Variants in PTPRC observed in about 807,000 individuals in gnomAD.
The protein encoded by PTPRC is receptor-type tyrosine-protein phosphatase C.
PTPRC carries 44 observed loss-of-function variants against 155.9 expected under a neutral mutation model. That is an observed-to-expected ratio of 0.28 (90% CI 0.22 to 0.36). PTPRC has a LOEUF of 0.36. Ranked by LOEUF, PTPRC falls within the 10% of genes least tolerant of loss-of-function variation. The probability of loss-of-function intolerance (pLI) is 1.00; values close to 1 mark genes in which losing one functional copy is unlikely to be tolerated. For missense variants in PTPRC, 1,401 were observed against 1,564.6 expected (o/e 0.90, Z 1.76); for synonymous variants, 525 against 533.1 (o/e 0.98, Z 0.21).
intron 27 of PTPRC, among the ~76,000 whole-genome samples, chr1:198,749,147 A>G (rs1005885407): frequency 6.6e-6 from 1 of 151,790 alleles, no homozygotes. Context: ...CAAAGATTAA[A>G]TAATCATATA....
chr1:198,750,708 C>T, intron 29 of PTPRC, 82 bp downstream of exon 29: 1 of 1,521,392 alleles, frequency 6.6e-7, no homozygotes. Context: ...GCTTCATCGC[C>T]ATACCCACGT....
At chr1:198,693,129 C>T in intron 3 of PTPRC, 1 of 948,358 alleles carries the variant, frequency 1.1e-6, no homozygotes. Flanking sequence ...ACAATTCCAA[C>T]TAACGTACAT....
chr1:198,736,182 G>A (rs1654629032), intron 23 of PTPRC, among the ~76,000 whole-genome samples: 1 of 151,460 alleles, frequency 6.6e-6, no homozygotes, highest in Non-Finnish European at 1.5e-5. Context: ...TTTTCTTTGT[G>A]TTACAAACAA....
rs146116406 is a variant in PTPRC, at chr1:198,738,819, G to A, written c.2404-3050G>A. On this transcript the variant is annotated intron_variant, in intron 23 of 32. Coordinates refer to ENST00000442510, the MANE Select transcript of PTPRC (RefSeq NM_002838.5). ...TGGGAAACTTTTCATGACAACCTCCGTTTCATTACTTGTTGTCTGTTCAGG... is the reference window on the plus strand; with the variant it reads ...TGGGAAACTTTTCATGACAACCTCCATTTCATTACTTGTTGTCTGTTCAGG... 7.9e-5 allele frequency among the ~76,000 whole-genome samples: 12 copies of A among 151,616 alleles called. No individual in the cohort carries two copies. In the East Asian group the frequency reaches 2.0e-3, roughly 25 times the overall value.
At chr1:198,716,125 A>C (rs1653574709) in intron 12 of PTPRC, among the ~76,000 whole-genome samples, 3 of 152,160 alleles carry the variant, frequency 2.0e-5, no homozygotes, top group Admixed American at 1.3e-4. Context: ...CCTTTCAATG[A>C]ACAGCTGAAT....
chr1:198,749,141 G>T (rs1655265251), intron 27 of PTPRC, among the ~76,000 whole-genome samples: 1 of 151,642 alleles, frequency 6.6e-6, no homozygotes, highest in Non-Finnish European at 1.5e-5. Context: ...ATGTATCAAA[G>T]ATTAAATAAT....
chr1:198,699,561 T>A lies in PTPRC; in HGVS notation c.299-3T>A, dbSNP rs1193209569. On this transcript the variant is annotated splice_region_variant and splice_polypyrimidine_tract_variant and intron_variant, in intron 4 of 32. Coordinates refer to ENST00000442510, the MANE Select transcript of PTPRC (RefSeq NM_002838.5). Reference sequence around the variant, plus strand: ...ATGTAATGATCTCACTTTCCTACCTTAGGTGTTTCATCAGTACAGACGCCT... The same window carrying A: ...ATGTAATGATCTCACTTTCCTACCTAAGGTGTTTCATCAGTACAGACGCCT... 1 of 1,614,188 alleles carries A rather than the reference T, an allele frequency of 6.2e-7. No homozygotes were observed. Among genetic ancestry groups the A allele is most frequent in the East Asian group, 2.2e-5 (1 of 44,882 alleles).
chr1:198,733,768 A>T (rs1183912355), intron 20 of PTPRC, among the ~76,000 whole-genome samples: 3 of 151,770 alleles, frequency 2.0e-5, no homozygotes, highest in Non-Finnish European at 4.4e-5. Context: ...GGTAAAATCT[A>T]AGAATGATTT....
intron 25 of PTPRC, among the ~76,000 whole-genome samples, chr1:198,743,192 T>C (rs573875026): frequency 2.6e-5 from 4 of 151,338 alleles, no homozygotes; most frequent in Non-Finnish European, 5.9e-5. Flanking sequence ...CAACAAATGC[T>C]ATGTTGTGGT....
chr1:198,640,109 A>G (rs1662492691), intron 2 of PTPRC, among the ~76,000 whole-genome samples: 2 of 152,010 alleles, frequency 1.3e-5, no homozygotes, highest in South Asian at 4.1e-4. Flanking sequence ...TTGGACTTCC[A>G]GTGCCTATTA....
rs2102419356 is a variant in PTPRC, at chr1:198,709,721, A to G, written c.1068A>G (p.Leu356=). ...TATTTGATAATAAAGAAATTAAATT[A>G]GAAAACCTTGAACCCGAACATGAGT... ...NMIFDNKEIK[L]ENLEPEHEYK... Residue 356 remains leucine, a synonymous_variant, in exon 11 of 33, where the codon TTA becomes TTG. Coordinates refer to ENST00000442510, the MANE Select transcript of PTPRC (RefSeq NM_002838.5). 6.3e-7 allele frequency: 1 copy of G among 1,598,820 alleles called. No homozygotes were observed. The highest frequency in any genetic ancestry group is 8.5e-7 in the Non-Finnish European group (1 of 1,171,798).
At chr1:198,674,179 C>T (rs1356324806) in intron 2 of PTPRC, among the ~76,000 whole-genome samples, 2 of 152,088 alleles carry the variant, frequency 1.3e-5, no homozygotes, top group African/African-American at 2.4e-5. Context: ...AGAGGTAGTG[C>T]CTCCTTTTTA....
intron 23 of PTPRC, among the ~76,000 whole-genome samples, chr1:198,739,600 A>G (rs1654805588): frequency 1.3e-5 from 2 of 151,816 alleles, no homozygotes; most frequent in Non-Finnish European, 1.5e-5. Flanking sequence ...TTAGAGCTAA[A>G]GAGAGAGATA....
chr1:198,724,975 T>G (rs1473756810), intron 15 of PTPRC, among the ~76,000 whole-genome samples: 2 of 152,102 alleles, frequency 1.3e-5, no homozygotes, highest in African/African-American at 4.8e-5. Context: ...CTAATTTTTG[T>G]ATTTTTAGTA....
chr1:198,688,278 C>A (rs1257810068), intron 2 of PTPRC, among the ~76,000 whole-genome samples: 2 of 151,958 alleles, frequency 1.3e-5, no homozygotes, highest in Non-Finnish European at 2.9e-5. Flanking sequence ...GGGAAGTAAG[C>A]ATGAACATAG....
chr1:198,689,266 A>C (rs1665799049), intron 2 of PTPRC, among the ~76,000 whole-genome samples: 1 of 152,180 alleles, frequency 6.6e-6, no homozygotes, highest in Admixed American at 6.5e-5. Flanking sequence ...TCTGATGAAT[A>C]GTGTACTGGT....
intron 2 of PTPRC, among the ~76,000 whole-genome samples, chr1:198,650,570 T>C (rs988183708): frequency 6.6e-6 from 1 of 151,818 alleles, no homozygotes. Context: ...AATCCAGAGT[T>C]ATGTTTGGGC....
rs2102490009 is a variant in PTPRC, at chr1:198,734,088, A to G, written c.2143-108A>G. 4.7e-6 allele frequency: 5 copies of G among 1,066,116 alleles called. No individual in the cohort carries two copies. The South Asian group carries it at 6.7e-5, about 14-fold the overall frequency. The allele number at this position is 1,066,116 out of a possible 1,614,324, so 66.0% of individuals were successfully genotyped here. The stretch of plus-strand genomic sequence containing the variant: ...TTTGAAACTGCCCAGAGAAATTCAC[A>G]ATCACAAAATGATGGATCTGAAGCA... On this transcript the variant is annotated intron_variant, in intron 20 of 32. Coordinates refer to ENST00000442510, the MANE Select transcript of PTPRC (RefSeq NM_002838.5).
intron 14 of PTPRC, among the ~76,000 whole-genome samples, chr1:198,721,284 A>G (rs556088712): frequency 1.3e-5 from 2 of 152,182 alleles, no homozygotes; most frequent in East Asian, 1.9e-4. Context: ...ATTTATTAGT[A>G]TTACTTTTCC....
Sources: gnomAD v4.1 joint callset for allele counts (sites outside exome capture counted in the v4.1 genomes callset) on GRCh38, gnomAD v4.1.1 for gene constraint, MANE v1.5 for transcripts, NCBI Gene and HGNC (gene_info 2026-07-23, HGNC 2026-07-21) for gene names.